Variants in KCNT2 observed in about 807,000 individuals in gnomAD.
The protein encoded by KCNT2 is potassium channel subfamily T member 2.
In KCNT2, 67 loss-of-function variants were observed where a neutral mutation model predicts 153.8. That is an observed-to-expected ratio of 0.44 (90% CI 0.36 to 0.53). The LOEUF (loss-of-function observed/expected upper bound fraction) is 0.53, where lower values mean the gene tolerates loss of function less well. Ranked by LOEUF, KCNT2 falls within the 20% of genes least tolerant of loss-of-function variation. The pLI is 0.00. For missense variants in KCNT2, 975 were observed against 1,354.8 expected (o/e 0.72, Z 4.40); for synonymous variants, 500 against 458.8 (o/e 1.09, Z -1.15).
intron 13 of KCNT2, among the ~76,000 whole-genome samples, chr1:196,385,214 T>C (rs1669863192): frequency 6.6e-6 from 1 of 152,182 alleles, no homozygotes; most frequent in South Asian, 2.1e-4. Context: ...AACTCTTCAA[T>C]ATGATATTCA....
intron 20 of KCNT2, among the ~76,000 whole-genome samples, chr1:196,316,683 A>G (rs1276466575): frequency 1.3e-5 from 2 of 151,700 alleles, no homozygotes; most frequent in African/African-American, 4.8e-5. Flanking sequence ...TAATTGCTAA[A>G]GTAGGAAACA....
At chr1:196,250,279 G>T (rs974916431) in intron 26 of KCNT2, among the ~76,000 whole-genome samples, 12 of 151,926 alleles carry the variant, frequency 7.9e-5, no homozygotes, top group Non-Finnish European at 1.8e-4. Flanking sequence ...GGTACAGCAT[G>T]GTACAGACAC....
intron 1 of KCNT2, among the ~76,000 whole-genome samples, chr1:196,519,518 T>TA (rs1357691210): frequency 6.6e-6 from 1 of 151,148 alleles, no homozygotes; most frequent in African/African-American, 2.5e-5. Context: ...TTAATTTTTT[T>TA]AAAAAAATAA....
chr1:196,596,483 G>A (rs934943955), intron 1 of KCNT2, among the ~76,000 whole-genome samples: 1 of 152,046 alleles, frequency 6.6e-6, no homozygotes, highest in Non-Finnish European at 1.5e-5. Context: ...GATAATTAGT[G>A]ATGTTAAGCA....
chr1:196,240,933 G>C (rs1467449550), intron 26 of KCNT2, among the ~76,000 whole-genome samples: 2 of 151,896 alleles, frequency 1.3e-5, no homozygotes, highest in African/African-American at 4.8e-5. Context: ...TGGTCATTGT[G>C]AAACAGAAAC....
At chr1:196,456,123 C>T (rs1165632684) in intron 8 of KCNT2, among the ~76,000 whole-genome samples, 1 of 152,014 alleles carries the variant, frequency 6.6e-6, no homozygotes, top group East Asian at 1.9e-4. Context: ...CTTTTCTTGC[C>T]TGCCTCAGGA....
intron 1 of KCNT2, among the ~76,000 whole-genome samples, chr1:196,595,246 TTGA>T (rs1663902491): frequency 6.6e-6 from 1 of 152,046 alleles, no homozygotes; most frequent in African/African-American, 2.4e-5. Context: ...AATAATTATA[TTGA>T]TATTAATGAA....
intron 13 of KCNT2, among the ~76,000 whole-genome samples, chr1:196,379,519 C>A (rs904332659): frequency 6.7e-6 from 1 of 150,218 alleles, no homozygotes; most frequent in Admixed American, 6.7e-5. Context: ...CTGCAGTGAG[C>A]CAAGACTGTG....
chr1:196,387,703 T>C (rs1451644084), intron 13 of KCNT2, among the ~76,000 whole-genome samples: 1 of 151,948 alleles, frequency 6.6e-6, no homozygotes, highest in Non-Finnish European at 1.5e-5. Context: ...TGGTCATTGG[T>C]ATATCCTTGT....
intron 12 of KCNT2, among the ~76,000 whole-genome samples, chr1:196,414,896 T>C (rs530508104): frequency 6.6e-6 from 1 of 152,018 alleles, no homozygotes; most frequent in Non-Finnish European, 1.5e-5. Flanking sequence ...CCCAAGACAC[T>C]GGCTGTGTAC....
At chr1:196,515,565 T>C (rs1411513099) in intron 1 of KCNT2, among the ~76,000 whole-genome samples, 1 of 152,202 alleles carries the variant, frequency 6.6e-6, no homozygotes, top group Non-Finnish European at 1.5e-5. Flanking sequence ...TGAAAATAAC[T>C]GAGAATTATT....
chr1:196,583,047 G>A (rs1453375356), intron 1 of KCNT2, among the ~76,000 whole-genome samples: 2 of 152,092 alleles, frequency 1.3e-5, no homozygotes, highest in East Asian at 1.9e-4. Context: ...GGAGTGGGAT[G>A]TCTTCAGAGG....
At chr1:196,380,526 C>T (rs927196445) in intron 13 of KCNT2, among the ~76,000 whole-genome samples, 1 of 152,230 alleles carries the variant, frequency 6.6e-6, no homozygotes, top group South Asian at 2.1e-4. Flanking sequence ...TAGGTAACAG[C>T]TCTTTGGAAA....
At chr1:196,363,138 A>C (rs1667765288) in intron 14 of KCNT2, among the ~76,000 whole-genome samples, 2 of 152,110 alleles carry the variant, frequency 1.3e-5, no homozygotes, top group Admixed American at 1.3e-4. Flanking sequence ...AGAAAGAGCT[A>C]TGCCTTATCC....
intron 1 of KCNT2, among the ~76,000 whole-genome samples, chr1:196,532,442 G>T (rs1655070126): frequency 2.0e-5 from 3 of 151,818 alleles, no homozygotes; most frequent in Admixed American, 6.6e-5. Context: ...TCCCACTTGG[G>T]ACATGAGTCT....
intron 1 of KCNT2, among the ~76,000 whole-genome samples, chr1:196,575,708 C>A (rs946666439): frequency 7.5e-6 from 1 of 133,178 alleles, no homozygotes; most frequent in Admixed American, 8.7e-5. Flanking sequence ...AGGAAGAGGG[C>A]GGAATGCAGT....
chr1:196,432,304 T>C (rs1488352940), intron 8 of KCNT2, among the ~76,000 whole-genome samples: 1 of 151,986 alleles, frequency 6.6e-6, no homozygotes, highest in Non-Finnish European at 1.5e-5. Context: ...ACCACCGGGG[T>C]ATGGCAGCAC....
chr1:196,487,726 G>T (rs1679547295), intron 3 of KCNT2, among the ~76,000 whole-genome samples: 1 of 151,918 alleles, frequency 6.6e-6, no homozygotes. Flanking sequence ...CCCTGAGGAA[G>T]AAATCGTATT....
At chr1:196,240,141 A>G (rs1654819786) in intron 26 of KCNT2, among the ~76,000 whole-genome samples, 1 of 152,044 alleles carries the variant, frequency 6.6e-6, no homozygotes, top group Non-Finnish European at 1.5e-5. Flanking sequence ...TATCCATTGT[A>G]TCATGTGTAG....
Sources: gnomAD v4.1 joint callset for allele counts (sites outside exome capture counted in the v4.1 genomes callset) on GRCh38, gnomAD v4.1.1 for gene constraint, MANE v1.5 for transcripts, NCBI Gene and HGNC (gene_info 2026-07-23, HGNC 2026-07-21) for gene names.